HECTD2: variants seen among roughly 807,000 people sequenced by gnomAD.
HECTD2 encodes the protein HECT domain E3 ubiquitin protein ligase 2, also known as probable E3 ubiquitin-protein ligase HECTD2.
A neutral mutation model predicts 103.2 loss-of-function variants in HECTD2; 35 were observed. The ratio of observed to expected loss-of-function variants is 0.34; its 90% CI spans 0.26 to 0.45. The LOEUF (loss-of-function observed/expected upper bound fraction) is 0.45. HECTD2 is among the 20% of genes least tolerant of loss of function. The pLI, the probability that HECTD2 is intolerant of heterozygous loss-of-function variation, is 1.00. For missense variants in HECTD2, 596 were observed against 937.4 expected, an observed-to-expected ratio of 0.64 and a Z score of 4.76; for synonymous variants, 281 against 329.9, an observed-to-expected ratio of 0.85 and a Z score of 1.61.
chr10:91,428,980 T>A (rs1843708188), intron 2 of HECTD2, among the ~76,000 whole-genome samples: 2 of 152,024 alleles, frequency 1.3e-5, no homozygotes. Flanking sequence ...ATGCTTCCAG[T>A]TTTTGCCCAT....
chr10:91,470,986 A>ACG (rs1218102327), intron 5 of HECTD2, among the ~76,000 whole-genome samples: 21 of 151,968 alleles, frequency 1.4e-4, no homozygotes, highest in African/African-American at 4.3e-4. Context: ...ACACACACAC[A>ACG]CACGCACACA....
chr10:91,466,400 T>TTTAAG (rs1845534201), intron 5 of HECTD2, among the ~76,000 whole-genome samples: 1 of 152,208 alleles, frequency 6.6e-6, no homozygotes, highest in African/African-American at 2.4e-5. Flanking sequence ...TGTTCCCTGT[T>TTTAAG]TTAAGTTTCA....
intron 5 of HECTD2, among the ~76,000 whole-genome samples, chr10:91,466,015 TA>T (rs1232691251): frequency 4.7e-4 from 71 of 152,338 alleles, no homozygotes; most frequent in African/African-American, 1.5e-3. Context: ...TGGTATCATT[TA>T]TTTTTTAAAT....
chr10:91,422,568 T>A (rs1241300738), intron 1 of HECTD2, among the ~76,000 whole-genome samples: 1 of 152,182 alleles, frequency 6.6e-6, no homozygotes, highest in African/African-American at 2.4e-5. Context: ...AATTCTTATT[T>A]AAGCATCCTA....
At chr10:91,499,360 C>G (rs767046615) in intron 18 of HECTD2, among the ~76,000 whole-genome samples, 1 of 151,954 alleles carries the variant, frequency 6.6e-6, no homozygotes, top group African/African-American at 2.4e-5. Context: ...ATTTTCTCTC[C>G]CCTTCTACTA....
intron 2 of HECTD2, among the ~76,000 whole-genome samples, chr10:91,425,872 T>C (rs1564700353): frequency 6.6e-6 from 1 of 151,938 alleles, no homozygotes; most frequent in Non-Finnish European, 1.5e-5. Flanking sequence ...GAAAAGCTTA[T>C]AGATGTTATA....
chr10:91,453,094 A>G (rs1844906709), intron 2 of HECTD2, among the ~76,000 whole-genome samples: 1 of 152,134 alleles, frequency 6.6e-6, no homozygotes, highest in Non-Finnish European at 1.5e-5. Flanking sequence ...TGAAACAAAA[A>G]TTATAACACC....
intron 12 of HECTD2, among the ~76,000 whole-genome samples, 177 bp downstream of exon 12, chr10:91,491,484 A>G (rs894307115): frequency 6.6e-6 from 1 of 152,212 alleles, no homozygotes; most frequent in African/African-American, 2.4e-5. Flanking sequence ...AGTTAAAATC[A>G]GATCTGTATT....
chr10:91,498,779 G>GA, intron 16 of HECTD2, 93 bp from the exon 17 acceptor site: 4 of 706,952 alleles, frequency 5.7e-6, no homozygotes, highest in Non-Finnish European at 9.6e-6. Flanking sequence ...AAGGAAGGGG[G>GA]AAAAAAACTG....
In HECTD2 at chr10:91,471,514, G is replaced by A. The variant is rs565380550; in HGVS notation, c.601-6687G>A. Among the ~76,000 whole-genome samples, 144 of 152,230 alleles carry A rather than the reference G, an allele frequency of 9.5e-4. 1 individual carries two copies. The highest frequency in any genetic ancestry group is 1.4e-3 in the Non-Finnish European group (94 of 68,004). ...GAAATAGAAGGCACCAAAATAGGACGAGAGGAAGTCAAATCTTTGCAGATG... is the reference window on the plus strand; with the variant it reads ...GAAATAGAAGGCACCAAAATAGGACAAGAGGAAGTCAAATCTTTGCAGATG... On this transcript the variant is annotated intron_variant, in intron 5 of 20. Transcript: ENST00000298068.
chr10:91,427,633 G>C (rs1257394093), intron 2 of HECTD2, among the ~76,000 whole-genome samples: 1 of 152,138 alleles, frequency 6.6e-6, no homozygotes, highest in Non-Finnish European at 1.5e-5. Context: ...TTTTTTGGCA[G>C]CATAAATGTC....
chr10:91,425,485 A>G, intron 2 of HECTD2, 75 bp downstream of exon 2: 1 of 1,138,848 alleles, frequency 8.8e-7, no homozygotes, highest in Non-Finnish European at 1.2e-6. Context: ...TTAATTATTC[A>G]GCATTGTTCT....
chr10:91,451,058 AG>A, intron 2 of HECTD2, among the ~76,000 whole-genome samples: 1 of 152,300 alleles, frequency 6.6e-6, no homozygotes, highest in East Asian at 1.9e-4. Context: ...TCTGCTATAA[AG>A]ACACATGCAC....
At chr10:91,418,011 A>T (rs188895056) in intron 1 of HECTD2, among the ~76,000 whole-genome samples, 138 of 152,232 alleles carry the variant, frequency 9.1e-4, no homozygotes, top group Middle Eastern at 3.4e-3. Flanking sequence ...ATTTCTCCAC[A>T]TCCTCTCCAG....
chr10:91,486,863 T>C (rs1846284576), intron 10 of HECTD2: 2 of 152,102 alleles, frequency 1.3e-5, no homozygotes, highest in South Asian at 2.1e-4. Flanking sequence ...TAAGGCTATA[T>C]CCATTTTCCT....
At chr10:91,510,612 C>T (rs1263867006) in intron 20 of HECTD2, among the ~76,000 whole-genome samples, 2 of 152,062 alleles carry the variant, frequency 1.3e-5, no homozygotes, top group Non-Finnish European at 2.9e-5. Context: ...TTTTAAATAA[C>T]TCGGGAAATG....
intron 14 of HECTD2, 139 bp downstream of exon 14, chr10:91,493,647 G>C (rs1338788248): frequency 1.4e-5 from 7 of 501,676 alleles, no homozygotes; most frequent in African/African-American, 6.1e-5. Flanking sequence ...TAGATTTTCA[G>C]TAATCTTCAT....
chr10:91,431,545 A>C (rs1395147207), intron 2 of HECTD2, among the ~76,000 whole-genome samples: 1 of 152,114 alleles, frequency 6.6e-6, no homozygotes, highest in East Asian at 1.9e-4. Context: ...GTTTGTTCAC[A>C]TCGTCCCATA....
chr10:91,481,035 G>A (rs1589528604), intron 6 of HECTD2, 59 bp from the exon 7 acceptor site: 13 of 1,049,534 alleles, frequency 1.2e-5, no homozygotes, highest in Admixed American at 7.1e-5. Flanking sequence ...GGTCTTTTTC[G>A]TTAGATGCTA....
Sources: gnomAD v4.1 joint callset for allele counts (sites outside exome capture counted in the v4.1 genomes callset) on GRCh38, gnomAD v4.1.1 for gene constraint, MANE v1.5 for transcripts, NCBI Gene and HGNC (gene_info 2026-07-23, HGNC 2026-07-21) for gene names.